Variants in KLRG1 observed in about 807,000 individuals in gnomAD.
The protein encoded by KLRG1 is killer cell lectin-like receptor subfamily G member 1.
Under a neutral mutation model 21.8 loss-of-function variants are expected in KLRG1, and 16 were observed. That is an observed-to-expected ratio of 0.73 (90% confidence interval 0.50 to 1.11). KLRG1 has a LOEUF of 1.11. KLRG1 is among the 50% of genes most tolerant of loss of function. The probability of loss-of-function intolerance (pLI) is 0.00; values close to 1 mark genes in which losing one functional copy is unlikely to be tolerated. For missense variants in KLRG1, 173 were observed against 218.3 expected (o/e 0.79, Z 1.31); for synonymous variants, 69 against 75.9 (o/e 0.91, Z 0.47).
the KLRG1 span, chr12:9,157,758 G>A: frequency 1.2e-6 from 2 of 1,610,992 alleles, no homozygotes; most frequent in Admixed American, 1.7e-5. Context: ...GGATTGAGCT[G>A]GTACCTACAG....
At chr12:8,979,591 GA>G (rs1485838779) in intron 1 of KLRG1, among the ~76,000 whole-genome samples, 2 of 151,990 alleles carry the variant, frequency 1.3e-5, no homozygotes, top group Admixed American at 6.6e-5. Context: ...CCTGAATCTG[GA>G]TGTCTATGTT....
chr12:9,097,278 AC>A, the KLRG1 span, among the ~76,000 whole-genome samples: 24,582 of 152,156 alleles, frequency 0.16, 2,125 homozygotes, highest in Middle Eastern at 0.21. Context: ...CAAGTAAGAA[AC>A]ATTTTTTTAT....
the KLRG1 span, among the ~76,000 whole-genome samples, chr12:9,042,934 C>T: frequency 1.1e-4 from 16 of 152,068 alleles, no homozygotes; most frequent in African/African-American, 2.9e-4. Flanking sequence ...GGAGGAATGG[C>T]GATGTGTTCC....
the KLRG1 span, among the ~76,000 whole-genome samples, chr12:9,190,772 A>C: frequency 6.6e-6 from 1 of 152,330 alleles, no homozygotes; most frequent in Non-Finnish European, 1.5e-5. Context: ...CTGAAAATTA[A>C]ATAGGCAAAT....
chr12:9,089,894 T>TA, the KLRG1 span: 2 of 1,605,450 alleles, frequency 1.2e-6, no homozygotes, highest in Middle Eastern at 1.7e-4. Flanking sequence ...TTATTTAGGT[T>TA]TACTTACTTC....
the KLRG1 span, among the ~76,000 whole-genome samples, chr12:9,185,790 A>ATTTCTTTTCTTTTCT: frequency 0.016 from 2,143 of 134,296 alleles, 72 homozygotes; most frequent in East Asian, 0.039. Flanking sequence ...TATGTTCAAC[A>ATTTCTTTTCTTTTCT]TTTCTTTTCT....
the KLRG1 span, among the ~76,000 whole-genome samples, chr12:9,172,245 C>T: frequency 7.3e-4 from 111 of 152,270 alleles, no homozygotes; most frequent in African/African-American, 2.6e-3. Context: ...CCAAACTAAG[C>T]TTCAAAAGCA....
chr12:9,092,684 A>AT, the KLRG1 span, among the ~76,000 whole-genome samples: 1 of 152,218 alleles, frequency 6.6e-6, no homozygotes, highest in Non-Finnish European at 1.5e-5. Flanking sequence ...TGCCACAGCC[A>AT]TTATGGAAAA....
chr12:8,994,209 G>C (rs1479932369), intron 2 of KLRG1, among the ~76,000 whole-genome samples: 1 of 152,064 alleles, frequency 6.6e-6, no homozygotes, highest in African/African-American at 2.4e-5. Flanking sequence ...GATTACAGGC[G>C]GGTGCCACCA....
chr12:9,113,667 G>A, the KLRG1 span: 5 of 999,112 alleles, frequency 5.0e-6, no homozygotes, highest in Non-Finnish European at 7.3e-6. Flanking sequence ...GTACTGATGA[G>A]CATGAAATTT....
chr12:9,070,679 G>A, the KLRG1 span: 1,715 of 759,158 alleles, frequency 2.3e-3, 28 homozygotes, highest in African/African-American at 0.026. Flanking sequence ...AAAGGTACAC[G>A]TAAGTCTTCC....
At chr12:9,177,020 T>C in the KLRG1 span, among the ~76,000 whole-genome samples, 1 of 152,236 alleles carries the variant, frequency 6.6e-6, no homozygotes, top group Non-Finnish European at 1.5e-5. Flanking sequence ...TGAGAGCTCA[T>C]GAATTGCTGG....
the KLRG1 span, among the ~76,000 whole-genome samples, chr12:9,069,518 G>A: frequency 6.6e-6 from 1 of 152,028 alleles, no homozygotes; most frequent in Non-Finnish European, 1.5e-5. Context: ...TCTTGCTTAT[G>A]GGATTTTAGG....
At chr12:9,160,325 T>C in the KLRG1 span, 6 of 1,610,440 alleles carry the variant, frequency 3.7e-6, no homozygotes, top group East Asian at 1.1e-4. Context: ...AGTGATGAGA[T>C]AGCCAACGGC....
At chr12:9,148,937 A>C in the KLRG1 span, 2 of 1,575,380 alleles carry the variant, frequency 1.3e-6, no homozygotes, top group Non-Finnish European at 1.7e-6. Flanking sequence ...TGTATAGGAC[A>C]GAGAATCCAC....
At chr12:9,092,673 T>C in the KLRG1 span, among the ~76,000 whole-genome samples, 157 of 152,320 alleles carry the variant, frequency 1.0e-3, 1 homozygote, top group African/African-American at 3.6e-3. Context: ...CAAATGTACA[T>C]TGCCACAGCC....
the KLRG1 span, among the ~76,000 whole-genome samples, chr12:9,211,660 T>G: frequency 5.3e-5 from 8 of 152,230 alleles, no homozygotes; most frequent in Non-Finnish European, 1.0e-4. Flanking sequence ...TTTGCCTGGT[T>G]CATCATTATC....
chr12:9,202,235 C>G, the KLRG1 span: 2 of 1,249,982 alleles, frequency 1.6e-6, no homozygotes, highest in Non-Finnish European at 1.2e-6. Context: ...TTCATCCTCT[C>G]GCTTTTCTTG....
chr12:9,177,108 C>T, the KLRG1 span, among the ~76,000 whole-genome samples: 10 of 152,290 alleles, frequency 6.6e-5, no homozygotes, highest in African/African-American at 2.2e-4. Flanking sequence ...CATGCCCGAA[C>T]ATTGTTCGTC....
Sources: gnomAD v4.1 joint callset for allele counts (sites outside exome capture counted in the v4.1 genomes callset) on GRCh38, gnomAD v4.1.1 for gene constraint, MANE v1.5 for transcripts, NCBI Gene and HGNC (gene_info 2026-07-23, HGNC 2026-07-21) for gene names.